Variants in IL1RAPL1 observed in about 807,000 individuals in gnomAD.
IL1RAPL1 encodes the protein interleukin-1 receptor accessory protein-like 1.
IL1RAPL1 carries 3 observed loss-of-function variants against 48.4 expected under a neutral mutation model. That is an observed-to-expected ratio of 0.06 (90% CI 0.03 to 0.16). IL1RAPL1 has a LOEUF of 0.16. IL1RAPL1 is among the 10% of genes least tolerant of loss of function. The pLI is 1.00. For synonymous variants in IL1RAPL1, 185 were observed against 187.7 expected (o/e 0.99, Z 0.12); for missense variants, 349 against 530.6 (o/e 0.66, Z 3.36).
At chrX:28,958,375 A>G (rs765544688) in intron 2 of IL1RAPL1, among the ~76,000 whole-genome samples, 2 of 111,690 alleles carry the variant, frequency 1.8e-5, no homozygotes, top group East Asian at 2.8e-4. Context: ...CGCTGTACAC[A>G]TCTGATTATG....
At chrX:29,469,625 A>G (rs1198034415) in intron 5 of IL1RAPL1, among the ~76,000 whole-genome samples, 2 of 111,519 alleles carry the variant, frequency 1.8e-5, no homozygotes, top group African/African-American at 3.3e-5. Flanking sequence ...GTGGATGACA[A>G]TTTCCAAACT....
At chrX:29,497,270 T>A (rs1282462705) in intron 5 of IL1RAPL1, among the ~76,000 whole-genome samples, 1 of 111,796 alleles carries the variant, frequency 8.9e-6, no homozygotes, top group Non-Finnish European at 1.9e-5. Flanking sequence ...TCCTCTATAA[T>A]TTTTTTCAGC....
At chrX:29,338,872 A>G (rs1933033254) in intron 3 of IL1RAPL1, among the ~76,000 whole-genome samples, 1 of 110,694 alleles carries the variant, frequency 9.0e-6, no homozygotes, top group South Asian at 3.9e-4. Flanking sequence ...AGAAAGCTCC[A>G]CATTTTTGTT....
chrX:29,258,153 C>G (rs1931787283), intron 2 of IL1RAPL1, among the ~76,000 whole-genome samples: 1 of 110,392 alleles, frequency 9.1e-6, no homozygotes, highest in Non-Finnish European at 1.9e-5. Context: ...TAGCAGGTGA[C>G]AAAAAAGCTG....
At chrX:29,854,524 A>G (rs1046324278) in intron 6 of IL1RAPL1, among the ~76,000 whole-genome samples, 6 of 111,686 alleles carry the variant, frequency 5.4e-5, no homozygotes, top group Admixed American at 1.9e-4. Context: ...AGAATTGACA[A>G]GCCACCCAAG....
intron 2 of IL1RAPL1, among the ~76,000 whole-genome samples, chrX:28,925,845 A>C (rs1267447352): frequency 9.0e-6 from 1 of 111,470 alleles, no homozygotes; most frequent in South Asian, 3.8e-4. Flanking sequence ...TGCTTGAACC[A>C]GGGAGTCGGA....
intron 3 of IL1RAPL1, among the ~76,000 whole-genome samples, chrX:29,292,412 G>T (rs745371441): frequency 9.0e-6 from 1 of 111,249 alleles, no homozygotes; most frequent in Non-Finnish European, 1.9e-5. Flanking sequence ...TGTTAGATCT[G>T]ATAGACCCAA....
chrX:29,182,506 C>T (rs931880506), intron 2 of IL1RAPL1, among the ~76,000 whole-genome samples: 6 of 110,043 alleles, frequency 5.5e-5, no homozygotes, highest in Non-Finnish European at 9.5e-5. Flanking sequence ...AAATCAATTA[C>T]ATTAAACTTT....
chrX:29,159,196 T>C, intron 2 of IL1RAPL1, among the ~76,000 whole-genome samples: 1 of 110,571 alleles, frequency 9.0e-6, no homozygotes, highest in East Asian at 2.8e-4. Flanking sequence ...TAGAATGCCA[T>C]TTACAGATAA....
At chrX:29,913,695 C>G (rs1263040095) in intron 6 of IL1RAPL1, among the ~76,000 whole-genome samples, 2 of 111,201 alleles carry the variant, frequency 1.8e-5, no homozygotes, top group African/African-American at 6.5e-5. Flanking sequence ...CTGATCCAAT[C>G]TCAGGTTTGA....
chrX:29,861,920 A>G (rs1324063512), intron 6 of IL1RAPL1, among the ~76,000 whole-genome samples: 2 of 111,516 alleles, frequency 1.8e-5, no homozygotes, highest in African/African-American at 3.3e-5. Flanking sequence ...GAATCTAAGC[A>G]GGGTGAGGGC....
At chrX:29,609,594 AG>A (rs929113620) in intron 5 of IL1RAPL1, among the ~76,000 whole-genome samples, 1 of 111,996 alleles carries the variant, frequency 8.9e-6, no homozygotes, top group African/African-American at 3.3e-5. Context: ...TTAAAATCAG[AG>A]CCAATTGGCT....
intron 2 of IL1RAPL1, among the ~76,000 whole-genome samples, chrX:28,878,491 A>G (rs1405945059): frequency 3.6e-5 from 4 of 112,245 alleles, no homozygotes; most frequent in African/African-American, 1.3e-4. Context: ...AGAGACCTGA[A>G]GGAAAGAGAG....
At chrX:29,906,203 C>T (rs866335040) in intron 6 of IL1RAPL1, among the ~76,000 whole-genome samples, 1 of 105,567 alleles carries the variant, frequency 9.5e-6, no homozygotes, top group Non-Finnish European at 1.9e-5. Context: ...GGCGTCGTGG[C>T]GGGCTCCTGT....
chrX:29,551,193 T>C (rs1339729842), intron 5 of IL1RAPL1, among the ~76,000 whole-genome samples: 1 of 112,327 alleles, frequency 8.9e-6, no homozygotes, highest in Non-Finnish European at 1.9e-5. Context: ...ATATACAACA[T>C]TTTGTTCACC....
chrX:29,213,394 C>G (rs886859899), intron 2 of IL1RAPL1, among the ~76,000 whole-genome samples: 6 of 112,686 alleles, frequency 5.3e-5, no homozygotes, highest in Non-Finnish European at 1.1e-4. Context: ...GTCTGAAAAT[C>G]AGCACTTTCT....
intron 2 of IL1RAPL1, among the ~76,000 whole-genome samples, chrX:28,988,815 G>A (rs928435099): frequency 9.0e-6 from 1 of 111,627 alleles, no homozygotes; most frequent in African/African-American, 3.3e-5. Context: ...ATCTCTTATA[G>A]CACACATGAT....
intron 2 of IL1RAPL1, among the ~76,000 whole-genome samples, chrX:28,796,914 T>G (rs2147269175): frequency 8.9e-6 from 1 of 112,497 alleles, no homozygotes; most frequent in African/African-American, 3.2e-5. Context: ...ACCAAACTTC[T>G]GCCTGGGCAT....
At chrX:28,861,686 A>G (rs765718388) in intron 2 of IL1RAPL1, among the ~76,000 whole-genome samples, 1 of 111,252 alleles carries the variant, frequency 9.0e-6, no homozygotes, top group African/African-American at 3.3e-5. Context: ...GGTTGACCCC[A>G]TTACTTTCAT....
Sources: gnomAD v4.1 joint callset for allele counts (sites outside exome capture counted in the v4.1 genomes callset) on GRCh38, gnomAD v4.1.1 for gene constraint, MANE v1.5 for transcripts, NCBI Gene and HGNC (gene_info 2026-07-23, HGNC 2026-07-21) for gene names.